PLXNA4: variants seen among roughly 807,000 people sequenced by gnomAD.
PLXNA4 encodes plexin A4.
PLXNA4 carries 44 observed loss-of-function variants against 191.8 expected under a neutral mutation model. The ratio of observed to expected loss-of-function variants is 0.23; its 90% CI spans 0.18 to 0.29. The LOEUF (loss-of-function observed/expected upper bound fraction) is 0.29, where lower values mean the gene tolerates loss of function less well. PLXNA4 is among the 10% of genes least tolerant of loss of function. PLXNA4 has a pLI of 1.00. For synonymous variants in PLXNA4, 1,082 were observed against 1,009.5 expected (o/e 1.07, Z -1.36); for missense variants, 1,800 against 2,488.8 (o/e 0.72, Z 5.89).
intron 3 of PLXNA4, among the ~76,000 whole-genome samples, chr7:132,406,214 G>C (rs1322412997): frequency 6.6e-6 from 1 of 152,170 alleles, no homozygotes; most frequent in Non-Finnish European, 1.5e-5. Context: ...TCTCAGCCCA[G>C]ACAGAAGTTG....
At chr7:132,217,358 A>G (rs938628472) in intron 9 of PLXNA4, among the ~76,000 whole-genome samples, 1 of 152,254 alleles carries the variant, frequency 6.6e-6, no homozygotes, top group South Asian at 2.1e-4. Flanking sequence ...GGCTGCCTTC[A>G]GGGCTGGTGC....
At chr7:132,357,497 A>G (rs1803757768) in intron 3 of PLXNA4, among the ~76,000 whole-genome samples, 1 of 152,214 alleles carries the variant, frequency 6.6e-6, no homozygotes, top group Admixed American at 6.5e-5. Context: ...GTAGTGCAAT[A>G]GTTTGGTCCT....
rs1165571639 is a variant in PLXNA4, at chr7:132,179,674, G to A, written c.3874+13C>T. 8 of 1,606,494 alleles carry A rather than the reference G, an allele frequency of 5.0e-6. No individual in the cohort carries two copies. The Admixed American group carries it at 1.3e-4, about 27-fold the overall frequency. On this transcript the variant is annotated intron_variant, in intron 20 of 31. Coordinates refer to ENST00000321063, the MANE Select transcript of PLXNA4 (RefSeq NM_020911.2). ...CACACACACATGGCCTCCAGCATGG[G>A]GCCACTCAGTACCTTCCTTGCACTC...
At chr7:132,159,407 CAGG>C in intron 25 of PLXNA4, 63 bp downstream of exon 25, 1 of 1,586,298 alleles carries the variant, frequency 6.3e-7, no homozygotes, top group South Asian at 1.2e-5. Context: ...CCTCTGCTGA[CAGG>C]AGAAGGTGAG....
chr7:132,293,057 T>G (rs1465423048), intron 4 of PLXNA4, among the ~76,000 whole-genome samples: 1 of 152,088 alleles, frequency 6.6e-6, no homozygotes, highest in Non-Finnish European at 1.5e-5. Context: ...AAAATGAGCT[T>G]GCAGAGGTGG....
At chr7:132,383,548 G>A (rs756341283) in intron 3 of PLXNA4, 4 of 980,726 alleles carry the variant, frequency 4.1e-6, no homozygotes, top group Admixed American at 6.2e-5. Context: ...CTTTCTAATT[G>A]TCTCATGCTT....
intron 2 of PLXNA4, among the ~76,000 whole-genome samples, chr7:132,614,878 T>A (rs1803121145): frequency 6.6e-6 from 1 of 152,064 alleles, no homozygotes. Flanking sequence ...GAGGCGGAGA[T>A]GGAGGAGTGG....
At chr7:132,300,585 C>T (rs1004322655) in intron 3 of PLXNA4, among the ~76,000 whole-genome samples, 6 of 152,190 alleles carry the variant, frequency 3.9e-5, no homozygotes, top group Non-Finnish European at 8.8e-5. Context: ...TTCTTCTGTG[C>T]CCACCCCAAG....
At chr7:132,554,540 A>T (rs1028748423) in intron 1 of PLXNA4, among the ~76,000 whole-genome samples, 6 of 152,158 alleles carry the variant, frequency 3.9e-5, no homozygotes, top group Non-Finnish European at 7.3e-5. Context: ...GAATAATGCA[A>T]TGTTTCCAGC....
At chr7:132,278,515 T>C (rs6959397) in intron 4 of PLXNA4, among the ~76,000 whole-genome samples, 12,870 of 152,254 alleles carry the variant, frequency 0.085, 894 homozygotes, top group Admixed American at 0.19. Context: ...AGCCCATGCA[T>C]GGCCACAAAA....
chr7:132,230,774 C>G (rs974184481), intron 5 of PLXNA4, among the ~76,000 whole-genome samples: 14 of 152,210 alleles, frequency 9.2e-5, no homozygotes, highest in Non-Finnish European at 1.0e-4. Flanking sequence ...CACTGACTCC[C>G]CAACTTTGAA....
chr7:132,384,040 A>T, intron 3 of PLXNA4: 2 of 985,444 alleles, frequency 2.0e-6, no homozygotes, highest in Non-Finnish European at 2.4e-6. Context: ...GGACAGTGAG[A>T]CACAGAGGGG....
At chr7:132,454,894 T>A (rs1439849584) in intron 3 of PLXNA4, among the ~76,000 whole-genome samples, 2 of 152,176 alleles carry the variant, frequency 1.3e-5, no homozygotes, top group African/African-American at 4.8e-5. Flanking sequence ...TACTGTGCTA[T>A]GGCAGCCTTA....
chr7:132,411,187 C>G (rs1563083952), intron 3 of PLXNA4, among the ~76,000 whole-genome samples: 1 of 152,178 alleles, frequency 6.6e-6, no homozygotes, highest in Non-Finnish European at 1.5e-5. Flanking sequence ...TCCATGTGTC[C>G]AAACAACTCT....
chr7:132,381,410 C>T (rs1007058936), intron 3 of PLXNA4, among the ~76,000 whole-genome samples: 2 of 152,124 alleles, frequency 1.3e-5, no homozygotes, highest in African/African-American at 4.8e-5. Flanking sequence ...TGTCAAATGG[C>T]CAAATAAGTT....
intron 2 of PLXNA4, among the ~76,000 whole-genome samples, chr7:132,622,292 G>C (rs1414868845): frequency 6.6e-6 from 1 of 152,156 alleles, no homozygotes; most frequent in Non-Finnish European, 1.5e-5. Context: ...ACTTGAAAAA[G>C]AGCTATTCGC....
intron 4 of PLXNA4, among the ~76,000 whole-genome samples, chr7:132,264,805 C>A (rs143276958): frequency 0.082 from 12,521 of 151,966 alleles, 670 homozygotes; most frequent in African/African-American, 0.15. Context: ...TCAAGTGATC[C>A]TCCTGCCTCA....
At chr7:132,138,574 A>G (rs1197967261) in intron 30 of PLXNA4, among the ~76,000 whole-genome samples, 4 of 152,156 alleles carry the variant, frequency 2.6e-5, no homozygotes, top group Non-Finnish European at 4.4e-5. Context: ...TTCTCGATCT[A>G]TCTGTCTTTG....
intron 4 of PLXNA4, among the ~76,000 whole-genome samples, chr7:132,284,132 C>A (rs146815306): frequency 0.012 from 1,818 of 152,294 alleles, 31 homozygotes; most frequent in African/African-American, 0.042. Context: ...ATGATGGCAC[C>A]AGTGCACTCC....
Sources: gnomAD v4.1 joint callset for allele counts (sites outside exome capture counted in the v4.1 genomes callset) on GRCh38, gnomAD v4.1.1 for gene constraint, MANE v1.5 for transcripts, NCBI Gene and HGNC (gene_info 2026-07-23, HGNC 2026-07-21) for gene names.